USP25: variants seen among roughly 807,000 people sequenced by gnomAD.
USP25 encodes the protein ubiquitin specific peptidase 25.
Under a neutral mutation model 158.5 loss-of-function variants are expected in USP25, and 85 were observed. The ratio of observed to expected loss-of-function variants is 0.54; its 90% CI spans 0.45 to 0.64. The LOEUF is 0.64. Among genes scored for constraint, USP25 ranks in the 30% least tolerant of loss-of-function variants. The pLI, the probability that USP25 is intolerant of heterozygous loss-of-function variation, is 0.00. For synonymous variants in USP25, 464 were observed against 460.4 expected (o/e 1.01, Z -0.10); for missense variants, 1,242 against 1,327.3 (o/e 0.94, Z 1.00).
At chr21:15,808,712 T>TA in intron 7 of USP25, 97 bp from the exon 8 acceptor site, 1 of 767,008 alleles carries the variant, frequency 1.3e-6, no homozygotes, top group Non-Finnish European at 2.0e-6. Context: ...AGTTGGTAAT[T>TA]ATATATTTCA....
At chr21:15,802,085 A>G (rs991386338) in intron 6 of USP25, among the ~76,000 whole-genome samples, 1 of 151,558 alleles carries the variant, frequency 6.6e-6, no homozygotes, top group Non-Finnish European at 1.5e-5. Flanking sequence ...CTGATGGCAA[A>G]GCATATTAAA....
chr21:15,810,749 TA>T (rs1439301556), intron 8 of USP25, among the ~76,000 whole-genome samples: 1 of 152,198 alleles, frequency 6.6e-6, no homozygotes, highest in Non-Finnish European at 1.5e-5. Context: ...GTATTCTGAT[TA>T]AAAGTGGCTT....
chr21:15,738,833 T>C (rs1182258586), intron 1 of USP25, among the ~76,000 whole-genome samples: 1 of 152,148 alleles, frequency 6.6e-6, no homozygotes, highest in Non-Finnish European at 1.5e-5. Flanking sequence ...ACCTAATCAG[T>C]TATGTTATCT....
At chr21:15,809,199 C>T (rs1224561182) in intron 8 of USP25, among the ~76,000 whole-genome samples, 6 of 152,228 alleles carry the variant, frequency 3.9e-5, no homozygotes, top group South Asian at 4.1e-4. Context: ...AATCCTTTTA[C>T]GTAGAAGCAT....
intron 21 of USP25, among the ~76,000 whole-genome samples, chr21:15,865,898 T>C (rs2146565465): frequency 6.6e-6 from 1 of 152,242 alleles, no homozygotes; most frequent in East Asian, 1.9e-4. Flanking sequence ...TATTTAAGAA[T>C]AAATAATACC....
chr21:15,851,126 AC>A (rs957561056), intron 20 of USP25, among the ~76,000 whole-genome samples: 6 of 151,952 alleles, frequency 3.9e-5, no homozygotes, highest in Non-Finnish European at 8.8e-5. Context: ...TAAAAAAAAA[AC>A]ACTGAATATA....
At chr21:15,818,474 T>G (rs1406559646) in intron 9 of USP25, among the ~76,000 whole-genome samples, 1 of 152,082 alleles carries the variant, frequency 6.6e-6, no homozygotes, top group Non-Finnish European at 1.5e-5. Context: ...CATACATATG[T>G]GTGTATATAA....
chr21:15,820,464 A>T (rs988679126), intron 10 of USP25, among the ~76,000 whole-genome samples: 50 of 144,856 alleles, frequency 3.5e-4, no homozygotes, highest in African/African-American at 1.3e-3. Context: ...AGCCTAGGGA[A>T]TATAATGATT....
At position 15,842,507 on chromosome 21, in the gene USP25, T is replaced by G. The variant is rs1284139532; in HGVS notation, c.2304T>G (p.His768Gln). 6.2e-7 allele frequency: 1 copy of G among 1,613,642 alleles called. No individual in the cohort carries two copies. The highest frequency in any genetic ancestry group is 1.1e-5 in the South Asian group (1 of 91,064). ...TAATTACCAAGGCATCACATGAGCA[T>G]GAAGATAAAAGTCCTGAAACAGTTT... ...IQIITKASHE[H>Q]EDKSPETVLQ... Residue 768 changes from histidine (H) to glutamine (Q), a missense_variant, in exon 18 of 26, where the codon CAT becomes CAG. Physicochemically the swap from His to Gln is conservative, Grantham distance 24. Transcript: ENST00000400183.
intron 16 of USP25, among the ~76,000 whole-genome samples, chr21:15,832,028 C>CT (rs1441576525): frequency 1.3e-5 from 2 of 152,178 alleles, no homozygotes; most frequent in Non-Finnish European, 2.9e-5. Context: ...GCTGTATCTG[C>CT]TCATATCAAA....
At chr21:15,763,473 A>G (rs1278077476) in intron 2 of USP25, among the ~76,000 whole-genome samples, 5 of 152,172 alleles carry the variant, frequency 3.3e-5, no homozygotes, top group Admixed American at 1.3e-4. Context: ...ATAGGCAACA[A>G]CTAAAATGTA....
intron 20 of USP25, among the ~76,000 whole-genome samples, chr21:15,864,031 CT>C (rs369749565): frequency 0.092 from 7,896 of 85,666 alleles, 672 homozygotes; most frequent in African/African-American, 0.26. Flanking sequence ...TGGGAGACTT[CT>C]TTTTTTTTTT....
chr21:15,738,158 C>T (rs1288872801), intron 1 of USP25, among the ~76,000 whole-genome samples: 2 of 152,122 alleles, frequency 1.3e-5, no homozygotes, highest in Non-Finnish European at 2.9e-5. Flanking sequence ...ATTTTTTTCC[C>T]TTTCCTTGAC....
chr21:15,837,790 G>A (rs2038127709), intron 17 of USP25, among the ~76,000 whole-genome samples: 1 of 152,260 alleles, frequency 6.6e-6, no homozygotes, highest in South Asian at 2.1e-4. Flanking sequence ...AGCAGGCAGA[G>A]TTGGCTCTGG....
chr21:15,796,548 A>G (rs1250630275), intron 5 of USP25, among the ~76,000 whole-genome samples: 1 of 151,480 alleles, frequency 6.6e-6, no homozygotes, highest in East Asian at 1.9e-4. Flanking sequence ...GCCCTAGTAA[A>G]ACATCTTAGA....
chr21:15,856,412 C>G (rs1304370577), intron 20 of USP25, among the ~76,000 whole-genome samples: 1 of 152,160 alleles, frequency 6.6e-6, no homozygotes, highest in African/African-American at 2.4e-5. Flanking sequence ...GACTGGCTTA[C>G]ATTCAGGCAT....
rs376013966 is a variant in USP25 at position 15,799,858 on chromosome 21, A to G, written c.642+15A>G. ...GAAACCAAAAGGTAAAATTCAAAAG[A>G]TTTTTTTAAGCAGTATATATACTCT... On this transcript the variant is annotated intron_variant, in intron 6 of 25. Transcript: ENST00000400183. 11 of 1,591,484 alleles carry G rather than the reference A, an allele frequency of 6.9e-6. No individual in the cohort carries two copies. The highest frequency in any genetic ancestry group is 2.2e-5 in the East Asian group (1 of 44,532).
chr21:15,872,019 T>TTTTTG (rs2039910242), intron 23 of USP25, among the ~76,000 whole-genome samples: 1 of 139,742 alleles, frequency 7.2e-6, no homozygotes, highest in Non-Finnish European at 1.6e-5. Context: ...ATACTGTTTT[T>TTTTTG]TTTTTTTTTT....
intron 23 of USP25, among the ~76,000 whole-genome samples, chr21:15,872,268 A>G (rs773719789): frequency 6.6e-6 from 1 of 152,164 alleles, no homozygotes; most frequent in East Asian, 1.9e-4. Flanking sequence ...CTTAGATAAG[A>G]ATATGGTAAT....
Sources: allele counts gnomAD v4.1 joint callset (sites outside exome capture counted in the v4.1 genomes callset), GRCh38; gene constraint gnomAD v4.1.1; transcripts MANE v1.5; gene names NCBI Gene and HGNC (gene_info 2026-07-23, HGNC 2026-07-21).